Variants in ATP11B observed in about 807,000 individuals in gnomAD.
The protein encoded by ATP11B is ATPase phospholipid transporting 11B (putative), also known as phospholipid-transporting ATPase IF.
In ATP11B, 81 loss-of-function variants were observed where a neutral mutation model predicts 157.8. That is an observed-to-expected ratio of 0.51 (90% CI 0.43 to 0.62). The LOEUF (loss-of-function observed/expected upper bound fraction) is 0.62, where lower values mean the gene tolerates loss of function less well. Among genes scored for constraint, ATP11B ranks in the 20% least tolerant of loss-of-function variants. ATP11B has a pLI of 0.00. For missense variants in ATP11B, 1,165 were observed against 1,402.2 expected (o/e 0.83, Z 2.70); for synonymous variants, 451 against 469.4 (o/e 0.96, Z 0.51).
At chr3:182,889,200 T>C (rs1382698177) in intron 24 of ATP11B, among the ~76,000 whole-genome samples, 1 of 152,216 alleles carries the variant, frequency 6.6e-6, no homozygotes, top group African/African-American at 2.4e-5. Flanking sequence ...TGTTTGAATG[T>C]AGTATGTGAA....
intron 1 of ATP11B, among the ~76,000 whole-genome samples, chr3:182,806,724 T>G (rs1716350495): frequency 6.6e-6 from 1 of 152,212 alleles, no homozygotes; most frequent in African/African-American, 2.4e-5. Flanking sequence ...ATGTGCCTGA[T>G]TTGTTTCATA....
intron 10 of ATP11B, among the ~76,000 whole-genome samples, chr3:182,855,950 T>G (rs1342540421): frequency 6.6e-6 from 1 of 152,112 alleles, no homozygotes; most frequent in Non-Finnish European, 1.5e-5. Context: ...AAAAATAGTA[T>G]ACCCACTCTG....
intron 25 of ATP11B, among the ~76,000 whole-genome samples, chr3:182,892,942 C>T (rs1310420509): frequency 6.6e-6 from 1 of 152,174 alleles, no homozygotes; most frequent in African/African-American, 2.4e-5. Flanking sequence ...GAAGGCTGAA[C>T]TAGTGACTAA....
At chr3:182,862,168 T>C (rs1172370844) in intron 12 of ATP11B, among the ~76,000 whole-genome samples, 1 of 151,780 alleles carries the variant, frequency 6.6e-6, no homozygotes, top group African/African-American at 2.4e-5. Flanking sequence ...TGGTCCCAGC[T>C]ACCTGGGAGG....
chr3:182,878,283 C>T (rs1402225219), intron 19 of ATP11B, among the ~76,000 whole-genome samples: 2 of 152,074 alleles, frequency 1.3e-5, no homozygotes, highest in African/African-American at 4.8e-5. Context: ...ATATGTTTAG[C>T]TTTTATAGTG....
At position 182,793,585 on chromosome 3, in the gene ATP11B, G is replaced by A. The variant is rs984177223; in HGVS notation, c.-175G>A. On this transcript the variant is annotated 5_prime_UTR_variant, in exon 1 of 30. Transcript: ENST00000323116. ...CGCCGGGGCCGCGCCTGTAGGACTC[G>A]GGGCCGACGCCGCGGGATGGGGACG... 2.6e-5 allele frequency: 10 copies of A among 383,614 alleles called. No homozygotes were observed. Among genetic ancestry groups the A allele is most frequent in the Non-Finnish European group, 4.1e-5 (9 of 218,320 alleles). 23.8% of individuals were successfully genotyped at this position (383,614 alleles called of 1,614,324 possible).
intron 1 of ATP11B, among the ~76,000 whole-genome samples, chr3:182,818,454 C>G (rs1005306097): frequency 3.3e-5 from 5 of 152,182 alleles, no homozygotes; most frequent in African/African-American, 1.2e-4. Flanking sequence ...ACATTCACAT[C>G]TACAAAGTGT....
Position 182,869,332 on chromosome 3 carries a change from G to A in ATP11B, c.1866+1G>A. ...AATTCATGTAGATGAATTTGCTTTG[G>A]TGAGTGCAAATTTCTATGATTTAAA... On this transcript the variant is annotated splice_donor_variant, in intron 17 of 29. Transcript: ENST00000323116. LOFTEE classifies it high-confidence loss of function. 2 of 1,555,442 alleles carry A rather than the reference G, an allele frequency of 1.3e-6. No homozygotes were observed. Among genetic ancestry groups the A allele is most frequent in the Non-Finnish European group, 1.8e-6 (2 of 1,139,752 alleles).
At chr3:182,914,987 A>G (rs763533203) in intron 29 of ATP11B, 2 of 985,346 alleles carry the variant, frequency 2.0e-6, no homozygotes, top group Non-Finnish European at 2.4e-6. Context: ...CACTTTCTAC[A>G]TGTGCCAGGG....
At chr3:182,824,439 T>C (rs1190902977) in intron 2 of ATP11B, among the ~76,000 whole-genome samples, 1 of 152,194 alleles carries the variant, frequency 6.6e-6, no homozygotes, top group African/African-American at 2.4e-5. Context: ...ACTTCTTCCA[T>C]TTGCAATTTT....
In ATP11B at chr3:182,916,628, A is replaced by G. The variant is rs571764994; in HGVS notation, c.3453-1395A>G. 6 of 984,204 alleles carry G rather than the reference A, an allele frequency of 6.1e-6. No homozygotes were observed. In the African/African-American group the frequency reaches 8.7e-5, roughly 14 times the overall value. The allele number at this position is 984,204 out of a possible 1,614,324, so 61.0% of individuals were successfully genotyped here. On this transcript the variant is annotated intron_variant, in intron 29 of 29. Coordinates refer to ENST00000323116, the MANE Select transcript of ATP11B (RefSeq NM_014616.3). ...AAGCTACTGTATCCTCATCAAAACT[A>G]TCTTCTAAATAGAAAGTAATATGTA...
intron 1 of ATP11B, among the ~76,000 whole-genome samples, chr3:182,797,891 T>A (rs563000819): frequency 6.6e-6 from 1 of 152,348 alleles, no homozygotes; most frequent in East Asian, 1.9e-4. Context: ...CTGTTGCTCA[T>A]GTTCTATTTC....
chr3:182,857,828 T>A, intron 10 of ATP11B, 50 bp from the exon 11 acceptor site: 2 of 1,178,380 alleles, frequency 1.7e-6, no homozygotes, highest in Non-Finnish European at 2.4e-6. Context: ...AGCAAATGAA[T>A]ATAGTAATAC....
intron 28 of ATP11B, among the ~76,000 whole-genome samples, chr3:182,912,121 C>A (rs1486953778): frequency 1.3e-5 from 2 of 152,084 alleles, no homozygotes; most frequent in African/African-American, 2.4e-5. Flanking sequence ...TGGGTTGCTA[C>A]AAGGGGTAAA....
At chr3:182,883,607 G>C (rs2108562856) in intron 21 of ATP11B, among the ~76,000 whole-genome samples, 1 of 151,020 alleles carries the variant, frequency 6.6e-6, no homozygotes, top group East Asian at 2.0e-4. Context: ...GTTTTTGTAT[G>C]TATGAAATAC....
intron 7 of ATP11B, among the ~76,000 whole-genome samples, chr3:182,838,428 A>G (rs1718730312): frequency 2.0e-5 from 3 of 152,046 alleles, no homozygotes; most frequent in Admixed American, 6.6e-5. Flanking sequence ...TGGTTTTTAC[A>G]TTATCTTGGA....
At chr3:182,862,907 C>CATTTATTT (rs571815284) in intron 12 of ATP11B, among the ~76,000 whole-genome samples, 1 of 151,022 alleles carries the variant, frequency 6.6e-6, no homozygotes, top group Non-Finnish European at 1.5e-5. Flanking sequence ...CAAGTTGATC[C>CATTTATTT]ATTTATTTAT....
At chr3:182,880,088 G>T (rs1722316519) in intron 20 of ATP11B, among the ~76,000 whole-genome samples, 1 of 152,116 alleles carries the variant, frequency 6.6e-6, no homozygotes, top group South Asian at 2.1e-4. Flanking sequence ...AAGTTGAAAA[G>T]CCAATTAACT....
chr3:182,873,625 T>C (rs477777), intron 18 of ATP11B, among the ~76,000 whole-genome samples, 187 bp from the exon 19 acceptor site: 107,472 of 152,114 alleles, frequency 0.71, 38,403 homozygotes, highest in Non-Finnish European at 0.76. Flanking sequence ...ACCAGACAAT[T>C]ACCAATCTGT....
Sources: gnomAD v4.1 joint callset for allele counts (sites outside exome capture counted in the v4.1 genomes callset) on GRCh38, gnomAD v4.1.1 for gene constraint, MANE v1.5 for transcripts, NCBI Gene and HGNC (gene_info 2026-07-23, HGNC 2026-07-21) for gene names.